ACSM3: variants seen among roughly 807,000 people sequenced by gnomAD.
The protein encoded by ACSM3 is acyl-coenzyme A synthetase ACSM3, mitochondrial.
In ACSM3, 61 loss-of-function variants were observed where a neutral mutation model predicts 74.1. The observed-to-expected ratio is 0.82, with a 90% CI of 0.67 to 1.02. ACSM3 has a LOEUF of 1.02. ACSM3 is among the 50% of genes least tolerant of loss of function. The probability of loss-of-function intolerance (pLI) is 0.00; values close to 1 mark genes in which losing one functional copy is unlikely to be tolerated. For missense variants in ACSM3, 660 were observed against 697.0 expected (o/e 0.95, Z 0.60); for synonymous variants, 213 against 241.5 (o/e 0.88, Z 1.09).
rs1381034552 is a variant in ACSM3, at chr16:20,785,046, C to G, written c.1082C>G (p.Thr361Ser). ...GGGGAACCAATTACCCCTGACGTGA[C>G]TGAAAAATGGAGAAACAAGACGGGC... Reference protein sequence around the residue: ...SAGEPITPDVTEKWRNKTGLD... With the variant: ...SAGEPITPDVSEKWRNKTGLD... Residue 361 changes from threonine (T) to serine (S), a missense_variant, in exon 8 of 14, where the codon ACT (threonine) becomes AGT (serine). Coordinates refer to ENST00000289416, the MANE Select transcript of ACSM3 (RefSeq NM_005622.4). 6.2e-7 allele frequency: 1 copy of G among 1,613,572 alleles called. No individual in the cohort carries two copies. Among genetic ancestry groups the G allele is most frequent in the Non-Finnish European group, 8.5e-7 (1 of 1,179,794 alleles).
chr16:20,736,658 G>C (rs2079872335), intron 1 of ACSM3: 1 of 507,800 alleles, frequency 2.0e-6, no homozygotes, highest in East Asian at 3.2e-5. Context: ...TCCCCTCTTT[G>C]CAACAGCAGC....
chr16:20,695,439 G>A (rs1181663234), intron 1 of ACSM3, among the ~76,000 whole-genome samples: 2 of 152,112 alleles, frequency 1.3e-5, no homozygotes, highest in Non-Finnish European at 2.9e-5. Context: ...TTAAGCCAGA[G>A]GAAAAAAATT....
chr16:20,715,877 G>T (rs1407992036), intron 1 of ACSM3, among the ~76,000 whole-genome samples: 1 of 152,160 alleles, frequency 6.6e-6, no homozygotes, highest in African/African-American at 2.4e-5. Context: ...ACAGGGCTCA[G>T]CAGGGGCAGC....
chr16:20,718,011 G>A (rs1004384714), intron 1 of ACSM3, among the ~76,000 whole-genome samples: 3 of 145,344 alleles, frequency 2.1e-5, no homozygotes, highest in Admixed American at 2.0e-4. Context: ...AGAAGAAGAA[G>A]AAGAAGAAGA....
chr16:20,737,030 T>C (rs1204144169), intron 1 of ACSM3: 1 of 1,614,092 alleles, frequency 6.2e-7, no homozygotes, highest in Non-Finnish European at 8.5e-7. Flanking sequence ...GCTGGTTATT[T>C]TTTCCTTCTG....
intron 1 of ACSM3, among the ~76,000 whole-genome samples, chr16:20,720,311 C>G (rs2079780911): frequency 6.6e-6 from 1 of 152,162 alleles, no homozygotes; most frequent in Non-Finnish European, 1.5e-5. Context: ...TAGACAGTCC[C>G]ATCTGGGAGT....
intron 1 of ACSM3, chr16:20,741,558 GCCT>G: frequency 6.3e-7 from 1 of 1,586,654 alleles, no homozygotes; most frequent in African/African-American, 1.3e-5. Context: ...GAGGCTGTAG[GCCT>G]CCTCCACGCA....
At chr16:20,796,736 C>T (rs564925804) in intron 13 of ACSM3, 150 bp from the exon 14 acceptor site, 7 of 1,500,890 alleles carry the variant, frequency 4.7e-6, no homozygotes, top group Non-Finnish European at 6.2e-6. Flanking sequence ...CCTAACAATA[C>T]CCTTTTCCCT....
intron 9 of ACSM3, among the ~76,000 whole-genome samples, chr16:20,786,517 C>CA (rs1187116830): frequency 6.6e-6 from 1 of 151,804 alleles, no homozygotes; most frequent in Non-Finnish European, 1.5e-5. Context: ...TTTGTCTCTA[C>CA]AAAAAAATAT....
chr16:20,776,862 T>G (rs886433), intron 3 of ACSM3, among the ~76,000 whole-genome samples: 94,469 of 152,014 alleles, frequency 0.62, 30,473 homozygotes, highest in Non-Finnish European at 0.72. Context: ...CTTTTGGAAA[T>G]AAATCATAAA....
rs373248833 is a variant in ACSM3 at position 20,785,098 on chromosome 16, G to C, written c.1134G>C (p.Gln378His). Residue 378 changes from glutamine (Q) to histidine (H), a missense_variant, in exon 8 of 14, where the codon CAG becomes CAC. Coordinates refer to ENST00000289416, the MANE Select transcript of ACSM3 (RefSeq NM_005622.4). Reference protein sequence around the residue: ...TGLDIYEGYGQTETVLICGNF... With the variant: ...TGLDIYEGYGHTETVLICGNF... ...TGGATATCTACGAAGGATATGGACA[G>C]ACTGAAACGGTACCTGACCTCACTG... 1.9e-5 allele frequency: 30 copies of C among 1,613,062 alleles called. No individual in the cohort carries two copies. Among genetic ancestry groups the C allele is most frequent in the Non-Finnish European group, 2.5e-5 (30 of 1,179,456 alleles).
chr16:20,690,934 G>C, intron 1 of ACSM3: 6 of 1,518,662 alleles, frequency 4.0e-6, no homozygotes, highest in South Asian at 2.5e-5. Context: ...AGCCTAGTAG[G>C]AGCAAGATAA....
chr16:20,775,410 G>A (rs1347676520), intron 2 of ACSM3, among the ~76,000 whole-genome samples: 1 of 152,072 alleles, frequency 6.6e-6, no homozygotes, highest in Non-Finnish European at 1.5e-5. Context: ...GGGACTTCAG[G>A]CATCTGTGAT....
At chr16:20,715,856 C>T (rs1363608835) in intron 1 of ACSM3, among the ~76,000 whole-genome samples, 7 of 152,132 alleles carry the variant, frequency 4.6e-5, no homozygotes, top group Non-Finnish European at 7.3e-5. Context: ...TTCCATGGGT[C>T]AGAAATTCAC....
intron 1 of ACSM3, among the ~76,000 whole-genome samples, chr16:20,682,654 T>A (rs2079471436): frequency 6.6e-6 from 1 of 152,204 alleles, no homozygotes; most frequent in Non-Finnish European, 1.5e-5. Flanking sequence ...AGAATCTGCA[T>A]CTTAACAAGT....
chr16:20,792,476 A>G, intron 12 of ACSM3, 141 bp downstream of exon 12: 1 of 1,498,078 alleles, frequency 6.7e-7, no homozygotes, highest in Non-Finnish European at 8.9e-7. Flanking sequence ...CTAGTCAGAA[A>G]GAACTGCTAC....
intron 1 of ACSM3, chr16:20,737,062 T>G: frequency 6.2e-7 from 1 of 1,614,226 alleles, no homozygotes. Context: ...TGGTCTGATT[T>G]GTCCGCAGAT....
At chr16:20,716,774 G>C (rs1367733172) in intron 1 of ACSM3, among the ~76,000 whole-genome samples, 1 of 152,094 alleles carries the variant, frequency 6.6e-6, no homozygotes, top group Non-Finnish European at 1.5e-5. Flanking sequence ...TTGGCCCCCT[G>C]GACCCAACTT....
At position 20,781,064 on chromosome 16, in the gene ACSM3, G is replaced by A. The variant is rs761988200; in HGVS notation, c.873G>A (p.Pro291=). ...AKSAWSSVFS[P]WIQGACVFTH... Reference sequence around the variant, plus strand: ...CTGCATGGAGTAGTGTTTTTTCTCCGTGGATCCAGGGAGCATGTGTATTCA... The same window carrying A: ...CTGCATGGAGTAGTGTTTTTTCTCCATGGATCCAGGGAGCATGTGTATTCA... Residue 291 remains proline (P), a synonymous_variant, in exon 6 of 14, where the codon CCG becomes CCA. Transcript: ENST00000289416. 1.9e-5 allele frequency: 30 copies of A among 1,613,952 alleles called. No homozygotes were observed. The highest frequency in any genetic ancestry group is 6.7e-5 in the East Asian group (3 of 44,896).
Sources: allele counts gnomAD v4.1 joint callset (sites outside exome capture counted in the v4.1 genomes callset), GRCh38; gene constraint gnomAD v4.1.1; transcripts MANE v1.5; gene names NCBI Gene and HGNC (gene_info 2026-07-23, HGNC 2026-07-21).